TAS1R1: variants seen among roughly 807,000 people sequenced by gnomAD.
The protein encoded by TAS1R1 is taste receptor type 1 member 1.
In TAS1R1, 31 loss-of-function variants were observed where a neutral mutation model predicts 45.8. The observed-to-expected ratio is 0.68, with a 90% CI of 0.51 to 0.91. The LOEUF (loss-of-function observed/expected upper bound fraction) is 0.91. TAS1R1 is among the 40% of genes least tolerant of loss of function. TAS1R1 has a pLI of 0.00. For synonymous variants in TAS1R1, 437 were observed against 448.4 expected, an observed-to-expected ratio of 0.97 and a Z score of 0.32; for missense variants, 1,051 against 1,063.9, an observed-to-expected ratio of 0.99 and a Z score of 0.17.
chr1:6,578,787 C>A lies in TAS1R1; in HGVS notation c.1729C>A (p.Leu577Met). 6.2e-7 allele frequency: 1 copy of A among 1,613,758 alleles called. No homozygotes were observed. The highest frequency in any genetic ancestry group is 8.5e-7 in the Non-Finnish European group (1 of 1,179,814). ...SWVLLAANTL[L>M]LLLLLGTAGL... is the part of the protein sequence containing the mutation. The stretch of plus-strand genomic sequence containing the variant: ...GGTGCTGCTGGCAGCTAACACGCTG[C>A]TGCTGCTGCTGCTGCTTGGGACTGC... The change falls in exon 6 of 6, where the codon CTG becomes ATG. Residue 577 changes from leucine to methionine, a missense_variant. Physicochemically the swap from Leu to Met is conservative, Grantham distance 15. Transcript: ENST00000333172.
At position 6,576,511 on chromosome 1, in the gene TAS1R1, G is replaced by T. The variant is rs771608459; in HGVS notation, c.1357G>T (p.Ala453Ser). Reference protein sequence around the residue: ...RDPLSSYNIIAWDWNGPKWTF... With the variant: ...RDPLSSYNIISWDWNGPKWTF... ...TCCCCTCAGTAGCTATAACATAATT[G>T]CCTGGGACTGGAATGGACCCAAGTG... is the stretch of plus-strand genomic sequence containing the variant. Residue 453 changes from alanine (A) to serine (S), a missense_variant, in exon 4 of 6, where the codon GCC (alanine) becomes TCC (serine). By Grantham distance (99) the Ala-to-Ser change is moderately conservative. Coordinates refer to ENST00000333172, the MANE Select transcript of TAS1R1 (RefSeq NM_138697.4). 3 of 1,614,138 alleles carry T rather than the reference G, an allele frequency of 1.9e-6. No individual in the cohort carries two copies. Among genetic ancestry groups the T allele is most frequent in the South Asian group, 2.2e-5 (2 of 91,088 alleles).
intron 1 of TAS1R1, among the ~76,000 whole-genome samples, chr1:6,565,468 C>G (rs925794443): frequency 2.6e-5 from 4 of 152,016 alleles, no homozygotes; most frequent in African/African-American, 9.7e-5. Flanking sequence ...GAAAGGTAAG[C>G]TACAGGAGCA....
At chr1:6,578,477 C>T (rs1557812199) in intron 5 of TAS1R1, among the ~76,000 whole-genome samples, 176 bp from the exon 6 acceptor site, 1 of 151,970 alleles carries the variant, frequency 6.6e-6, no homozygotes, top group Non-Finnish European at 1.5e-5. Flanking sequence ...GTAATTAACA[C>T]AGGCATTTTG....
Position 6,579,688 on chromosome 1 carries a change from T to C in TAS1R1, c.*104T>C. 6.8e-7 allele frequency: 1 copy of C among 1,461,992 alleles called. No individual in the cohort carries two copies. The highest frequency in any genetic ancestry group is 9.0e-7 in the Non-Finnish European group (1 of 1,109,536). 90.6% of individuals were successfully genotyped at this position (1,461,992 alleles called of 1,614,324 possible). ...GGTCTTTGGGCATCGCGGTCTGGGG[T>C]TGGGACGTGTAAGCGCCTGGGAGAG... On this transcript the variant is annotated 3_prime_UTR_variant, in exon 6 of 6. Transcript: ENST00000333172.
Position 6,574,289 on chromosome 1 carries a change from C to A in TAS1R1, c.499-342C>A, listed in dbSNP as rs1640097577. On this transcript the variant is annotated intron_variant, in intron 2 of 5. Coordinates refer to ENST00000333172, the MANE Select transcript of TAS1R1 (RefSeq NM_138697.4). This position sits in a 1 kb window ranked among gnomAD's most constrained non-coding sequence, Gnocchi z 4.3. ...GGCCCGGTTCCTAACAGGCCACTGACCTAACTTCTGCCCTGACCTACACAT... is the reference window on the plus strand; with the variant it reads ...GGCCCGGTTCCTAACAGGCCACTGAACTAACTTCTGCCCTGACCTACACAT... Among the ~76,000 whole-genome samples, 1 of 152,074 alleles carries A rather than the reference C, an allele frequency of 6.6e-6. No individual in the cohort carries two copies. Among genetic ancestry groups the A allele is most frequent in the Non-Finnish European group, 1.5e-5 (1 of 68,014 alleles).
chr1:6,575,641 C>T (rs1570132566), intron 3 of TAS1R1, among the ~76,000 whole-genome samples: 1 of 151,964 alleles, frequency 6.6e-6, no homozygotes, highest in Middle Eastern at 3.4e-3. Flanking sequence ...GCCTCGGCCT[C>T]CTGAGTAGCT....
chr1:6,557,009 A>C (rs1215461972), intron 1 of TAS1R1, among the ~76,000 whole-genome samples: 9 of 614 alleles, frequency 0.015, no homozygotes, highest in South Asian at 0.5. Flanking sequence ...GCTCCATCTC[A>C]AAAAAAAAAA....
chr1:6,558,827 T>A (rs1330000714), intron 1 of TAS1R1, among the ~76,000 whole-genome samples: 2 of 151,594 alleles, frequency 1.3e-5, no homozygotes, highest in African/African-American at 4.8e-5. Flanking sequence ...CAGGCGATCC[T>A]CCTGCCTCAG....
intron 1 of TAS1R1, among the ~76,000 whole-genome samples, chr1:6,559,634 G>GGACAACAA (rs1639746341): frequency 6.6e-6 from 1 of 151,304 alleles, no homozygotes. Context: ...ACTCCAGCCT[G>GGACAACAA]GGCGACAGAG....
At position 6,576,996 on chromosome 1, in the gene TAS1R1, G is replaced by C; in HGVS notation, c.1520G>C (p.Arg507Pro). The C allele has an allele frequency of 2.5e-6, 4 of 1,614,236 alleles. No individual in the cohort carries two copies. The highest frequency in any genetic ancestry group is 3.4e-6 in the Non-Finnish European group (4 of 1,180,038). ...AGCGACTGTCTTGAAGGGCACCAGC[G>C]AGTGGTTACGGGTTTCCATCACTGC... Reference protein sequence around the residue: ...CSSDCLEGHQRVVTGFHHCCF... With the variant: ...CSSDCLEGHQPVVTGFHHCCF... The change falls in exon 5 of 6, where the codon CGA becomes CCA. Residue 507 changes from arginine (R) to proline (P), a missense_variant. Arg to Pro is a moderately radical substitution (Grantham distance 103). Transcript: ENST00000333172.
Position 6,570,921 on chromosome 1 carries a change from C to T in TAS1R1, c.204C>T (p.Phe68=), listed in dbSNP as rs747219440. 56 of 1,601,662 alleles carry T rather than the reference C, an allele frequency of 3.5e-5. No individual in the cohort carries two copies. Among genetic ancestry groups the T allele is most frequent in the Middle Eastern group, 1.7e-4 (1 of 6,016 alleles). Residue 68 remains phenylalanine (F), a synonymous_variant, in exon 2 of 6, where the codon TTC becomes TTT. Transcript: ENST00000333172. The part of the protein sequence containing the change: ...EVTLCDRSCS[F]NEHGYHLFQA... ...GCTTTCTCCACAGGTCTTGTAGCTT[C>T]AATGAGCATGGCTACCACCTCTTCC...
Position 6,579,750 on chromosome 1 carries a change from A to T in TAS1R1, c.*166A>T, listed in dbSNP as rs114093704. 108 of 866,252 alleles carry T rather than the reference A, an allele frequency of 1.2e-4. 1 individual carries two copies. The African/African-American group carries it at 1.5e-3, about 12-fold the overall frequency. The allele number at this position is 866,252 out of a possible 1,614,324, so 53.7% of individuals were successfully genotyped here. On this transcript the variant is annotated 3_prime_UTR_variant, in exon 6 of 6. Transcript: ENST00000333172. ...CTCCGGGCTGCCAATAAAGAAGTGA[A>T]ATGCGTATCTGGTCTCCTGTCGTGG...
intron 1 of TAS1R1, among the ~76,000 whole-genome samples, chr1:6,569,917 G>A (rs986079520): frequency 6.6e-6 from 1 of 151,604 alleles, no homozygotes; most frequent in Non-Finnish European, 1.5e-5. Flanking sequence ...GAAATCCTCT[G>A]GGTCTTTGGC....
At chr1:6,560,355 C>G (rs1222466288) in intron 1 of TAS1R1, among the ~76,000 whole-genome samples, 1 of 152,200 alleles carries the variant, frequency 6.6e-6, no homozygotes, top group Non-Finnish European at 1.5e-5. Context: ...CGTTTAGTAA[C>G]CTGCTGGGCT....
Position 6,578,755 on chromosome 1 carries a change from C to T in TAS1R1, c.1697C>T (p.Thr566Ile), listed in dbSNP as rs1490759529. The T allele has an allele frequency of 1.2e-6, 2 of 1,613,994 alleles. No homozygotes were observed. Among genetic ancestry groups the T allele is most frequent in the African/African-American group, 1.3e-5 (1 of 74,938 alleles). ...TVVFLALREH[T>I]SWVLLAANTL... ...GTGTTTTTGGCTTTGCGTGAGCACACCTCTTGGGTGCTGCTGGCAGCTAAC... is the reference window on the plus strand; with the variant it reads ...GTGTTTTTGGCTTTGCGTGAGCACATCTCTTGGGTGCTGCTGGCAGCTAAC... Residue 566 changes from threonine (T) to isoleucine (I), a missense_variant, in exon 6 of 6, where the codon ACC (threonine) becomes ATC (isoleucine). Coordinates refer to ENST00000333172, the MANE Select transcript of TAS1R1 (RefSeq NM_138697.4).
chr1:6,563,433 A>T (rs1468003235), intron 1 of TAS1R1, among the ~76,000 whole-genome samples: 1 of 152,228 alleles, frequency 6.6e-6, no homozygotes, highest in Non-Finnish European at 1.5e-5. Context: ...AAGTTGTACT[A>T]TGCGCCGTGT....
rs745439007 is a variant in TAS1R1 at position 6,578,782 on chromosome 1, C to CGCTGCT, written c.1740_1745dup (p.Leu581_Leu582dup). ...TCTTGGGTGCTGCTGGCAGCTAACA[C>CGCTGCT]GCTGCTGCTGCTGCTGCTGCTTGGG... On this transcript the variant is annotated inframe_insertion, in exon 6 of 6. Transcript: ENST00000333172. 5.0e-5 allele frequency: 80 copies of CGCTGCT among 1,612,436 alleles called. No homozygotes were observed. In the Admixed American group the frequency reaches 9.0e-4, roughly 18 times the overall value.
Position 6,576,559 on chromosome 1 carries a change from TC to T in TAS1R1, c.1407del (p.Thr470HisfsTer7). The T allele has an allele frequency of 6.2e-7, 1 of 1,614,236 alleles. No individual in the cohort carries two copies. The highest frequency in any genetic ancestry group is 8.5e-7 in the Non-Finnish European group (1 of 1,180,040). On this transcript the variant is annotated frameshift_variant, in exon 4 of 6. Transcript: ENST00000333172. LOFTEE classifies it high-confidence loss of function. Reference sequence around the variant, plus strand: ...GTGGACCTTCACGGTCCTCGGTTCCTCCACATGGTCTCCAGTTCAGCTAAAC... The same window carrying T: ...GTGGACCTTCACGGTCCTCGGTTCCTCACATGGTCTCCAGTTCAGCTAAAC... ...PKWTFTVLGS[S>X]TWSPVQLNIN...
At position 6,574,652 on chromosome 1, in the gene TAS1R1, G is replaced by A. The variant is rs142759245; in HGVS notation, c.520G>A (p.Glu174Lys). The A allele has an allele frequency of 1.1e-5, 17 of 1,608,530 alleles. No homozygotes were observed. The highest frequency in any genetic ancestry group is 7.7e-5 in the South Asian group (7 of 90,568). ...ATAGATTAGCTATGCGGCCAGCAGC[G>A]AGACGCTCAGCGTGAAGCGGCAGTA... ...VPMISYAASSETLSVKRQYPS... is the reference protein window; with the variant it reads ...VPMISYAASSKTLSVKRQYPS... The change falls in exon 3 of 6, where the codon GAG becomes AAG. Residue 174 changes from glutamate (E) to lysine (K), a missense_variant. Glu to Lys is a moderately conservative substitution (Grantham distance 56, BLOSUM62 1). Coordinates refer to ENST00000333172, the MANE Select transcript of TAS1R1 (RefSeq NM_138697.4). The surrounding 1 kb of genome is among the most constrained non-coding windows in gnomAD (Gnocchi z 4.3).
Sources: gnomAD v4.1 joint callset for allele counts (sites outside exome capture counted in the v4.1 genomes callset) on GRCh38, gnomAD v4.1.1 for gene constraint, Gnocchi (gnomAD v3.1) non-coding constraint, MANE v1.5 for transcripts, NCBI Gene and HGNC (gene_info 2026-07-23, HGNC 2026-07-21) for gene names.